The following SKIL variants were observed in gnomAD, a reference collection of about 807,000 sequenced individuals.
The protein encoded by SKIL is ski-like protein.
In SKIL, 20 loss-of-function variants were observed where a neutral mutation model predicts 69.6. The ratio of observed to expected loss-of-function variants is 0.29; its 90% CI spans 0.20 to 0.42. The LOEUF (loss-of-function observed/expected upper bound fraction) is 0.42. Among genes scored for constraint, SKIL ranks in the 10% least tolerant of loss-of-function variants. The probability of loss-of-function intolerance (pLI) is 1.00; values close to 1 mark genes in which losing one functional copy is unlikely to be tolerated. For synonymous variants in SKIL, 310 were observed against 279.9 expected (o/e 1.11, Z -1.08); for missense variants, 745 against 783.1 (o/e 0.95, Z 0.58).
chr3:170,369,160 G>GCCT (rs1736679278), intron 2 of SKIL, among the ~76,000 whole-genome samples: 1 of 146,234 alleles, frequency 6.8e-6, no homozygotes, highest in South Asian at 2.2e-4. Flanking sequence ...AGGAAATAGA[G>GCCT]CCTCTTTATT....
intron 2 of SKIL, among the ~76,000 whole-genome samples, chr3:170,369,312 T>G (rs958157136): frequency 6.6e-6 from 1 of 152,208 alleles, no homozygotes; most frequent in African/African-American, 2.4e-5. Context: ...AGAGTAGGCC[T>G]GGATCATCAT....
chr3:170,390,999 TA>T, intron 5 of SKIL, 36 bp from the exon 6 acceptor site: 1 of 1,158,970 alleles, frequency 8.6e-7, no homozygotes, highest in Non-Finnish European at 1.3e-6. Flanking sequence ...ATGGTGAAAA[TA>T]AAGTAAAACT....
In SKIL at chr3:170,390,323, T is replaced by G; in HGVS notation, c.1530T>G (p.Ala510=). The change falls in exon 5 of 7, where the codon GCT becomes GCG. Residue 510 remains alanine, a synonymous_variant. Coordinates refer to ENST00000259119, the MANE Select transcript of SKIL (RefSeq NM_005414.5). ...DINKVGIGLV[A]AASSPLLVKD... is the part of the protein sequence containing the mutation. ...ACAAAGTGGGAATTGGCCTTGTTGC[T>G]GCCGCTTCATCTCCGCTTCTTGTGA... 1.2e-6 allele frequency: 2 copies of G among 1,614,166 alleles called. No individual in the cohort carries two copies. The highest frequency in any genetic ancestry group is 3.3e-4 in the Middle Eastern group (2 of 6,062).
At chr3:170,390,583 T>G in intron 5 of SKIL, 119 bp downstream of exon 5, 1 of 735,064 alleles carries the variant, frequency 1.4e-6, no homozygotes, top group South Asian at 1.8e-5. Flanking sequence ...ACCTCACAGG[T>G]TCAAGCAATT....
chr3:170,364,392 C>T (rs113904319), intron 2 of SKIL, among the ~76,000 whole-genome samples: 27 of 144,810 alleles, frequency 1.9e-4, no homozygotes, highest in African/African-American at 6.5e-4. Context: ...GGCGCGATCT[C>T]AGTTCACTGC....
chr3:170,377,618 G>A lies in SKIL; in HGVS notation c.1099-3626G>A, dbSNP rs374467066. ...GGCTGGAGTGCAGTGGCACGATCTCGGCTCACTGCAACCTCCGCCCTCTGA... is the reference window on the plus strand; with the variant it reads ...GGCTGGAGTGCAGTGGCACGATCTCAGCTCACTGCAACCTCCGCCCTCTGA... On this transcript the variant is annotated intron_variant, in intron 2 of 6. Transcript: ENST00000259119. 5.3e-5 allele frequency among the ~76,000 whole-genome samples: 7 copies of A among 133,190 alleles called. No individual in the cohort carries two copies. The East Asian group carries it at 6.5e-4, about 12-fold the overall frequency. The allele number at this position is 133,190 out of a possible 152,430, so 87.4% of individuals were successfully genotyped here.
intron 4 of SKIL, among the ~76,000 whole-genome samples, chr3:170,387,051 C>A (rs1577442859): frequency 6.6e-6 from 1 of 151,804 alleles, no homozygotes. Context: ...GAGTTTCACT[C>A]TTGTCGCCCA....
rs553234288 is a variant in SKIL at position 170,388,113 on chromosome 3, C to T, written c.1430-2110C>T. 3.9e-5 allele frequency among the ~76,000 whole-genome samples: 6 copies of T among 152,030 alleles called. No individual in the cohort carries two copies. In the South Asian group the frequency reaches 1.2e-3, roughly 32 times the overall value. ...GCCAAACTTTTCAAAAGCAGTTGCA[C>T]CATTTTACATTCCTGTGGTAGCTTG... On this transcript the variant is annotated intron_variant, in intron 4 of 6. Coordinates refer to ENST00000259119, the MANE Select transcript of SKIL (RefSeq NM_005414.5).
At chr3:170,384,231 G>A (rs1336510032) in intron 3 of SKIL, among the ~76,000 whole-genome samples, 6 of 152,048 alleles carry the variant, frequency 3.9e-5, no homozygotes, top group African/African-American at 1.4e-4. Context: ...GGGATGCTGA[G>A]GCAGGAAGAT....
At position 170,392,461 on chromosome 3, in the gene SKIL, T is replaced by C; in HGVS notation, c.*44T>C. 1 of 1,314,820 alleles carries C rather than the reference T, an allele frequency of 7.6e-7. No individual in the cohort carries two copies. Among genetic ancestry groups the C allele is most frequent in the Non-Finnish European group, 1.0e-6 (1 of 968,020 alleles). The allele number at this position is 1,314,820 out of a possible 1,614,324, so 81.4% of individuals were successfully genotyped here. On this transcript the variant is annotated 3_prime_UTR_variant, in exon 7 of 7. Coordinates refer to ENST00000259119, the MANE Select transcript of SKIL (RefSeq NM_005414.5). Reference sequence around the variant, plus strand: ...ATCTGTGTATTACTGACAAGGTTTTTTTTGTTTGTTGCTTGCTTTGGTAAT... The same window carrying C: ...ATCTGTGTATTACTGACAAGGTTTTCTTTGTTTGTTGCTTGCTTTGGTAAT...
At position 170,394,633 on chromosome 3, in the gene SKIL, AAAG is replaced by A; in HGVS notation, c.*2219_*2221del. 6.6e-6 allele frequency: 1 copy of A among 152,236 alleles called. No individual in the cohort carries two copies. Among genetic ancestry groups the A allele is most frequent in the Non-Finnish European group, 1.5e-5 (1 of 68,026 alleles). 9.4% of individuals were successfully genotyped at this position (152,236 alleles called of 1,614,324 possible). On this transcript the variant is annotated 3_prime_UTR_variant, in exon 7 of 7. Coordinates refer to ENST00000259119, the MANE Select transcript of SKIL (RefSeq NM_005414.5). ...ATGAACTTGTAATTCAGAATTGAGT[AAAG>A]AAATATTTTTTCTAGTCCTTCATAT...
intron 2 of SKIL, among the ~76,000 whole-genome samples, chr3:170,365,752 CTTTTTTTTTTT>C (rs59222162): frequency 2.1e-4 from 22 of 106,498 alleles, no homozygotes; most frequent in Non-Finnish European, 3.7e-4. Context: ...TCAAACTAGG[CTTTTTTTTTTT>C]TTTTTTTTTT....
Position 170,390,321 on chromosome 3 carries a change from G to C in SKIL, c.1528G>C (p.Ala510Pro), listed in dbSNP as rs1283092350. 6.2e-7 allele frequency: 1 copy of C among 1,614,046 alleles called. No individual in the cohort carries two copies. The highest frequency in any genetic ancestry group is 8.5e-7 in the Non-Finnish European group (1 of 1,179,954). Residue 510 changes from alanine (A) to proline (P), a missense_variant, in exon 5 of 7, where the codon GCT becomes CCT. Transcript: ENST00000259119. Reference protein sequence around the residue: ...DINKVGIGLVAAASSPLLVKD... With the variant: ...DINKVGIGLVPAASSPLLVKD... ...AAACAAAGTGGGAATTGGCCTTGTT[G>C]CTGCCGCTTCATCTCCGCTTCTTGT...
At chr3:170,381,494 G>A (rs1470240564) in intron 3 of SKIL, among the ~76,000 whole-genome samples, 153 bp downstream of exon 3, 18 of 151,942 alleles carry the variant, frequency 1.2e-4, no homozygotes, top group South Asian at 2.1e-4. Flanking sequence ...GTGCAGTGGC[G>A]CGATCTCGTC....
rs888158114 is a variant in SKIL, at chr3:170,381,018, G to A, written c.1099-226G>A. Among the ~76,000 whole-genome samples the A allele has an allele frequency of 1.0e-4, 11 of 105,162 alleles. No homozygotes were observed. The highest frequency in any genetic ancestry group is 4.7e-3 in the Middle Eastern group (1 of 214). 69.0% of individuals were successfully genotyped at this position (105,162 alleles called of 152,430 possible). A position where few individuals can be genotyped will look rare whatever the true frequency, so the allele number is the denominator to read the frequency against. ...TAATTTTTTTTTTTTTTTTTTTAAA[G>A]AGACTGGGTCTTCCTATGTTGCCCA... is the stretch of plus-strand genomic sequence containing the variant. On this transcript the variant is annotated intron_variant, in intron 2 of 6. Transcript: ENST00000259119.
chr3:170,361,913 A>C (rs1234572764), intron 2 of SKIL, among the ~76,000 whole-genome samples: 1 of 152,056 alleles, frequency 6.6e-6, no homozygotes, highest in African/African-American at 2.4e-5. Context: ...CCTCTTTGGC[A>C]CACATCTTGC....
chr3:170,393,549 A>C lies in SKIL; in HGVS notation c.*1132A>C, dbSNP rs576428725. ...AAGTTTTAGAAGATAAAGGAATTCC[A>C]TAGTTTCAGGAGGGACAACATCTTC... is the stretch of plus-strand genomic sequence containing the variant. On this transcript the variant is annotated 3_prime_UTR_variant, in exon 7 of 7. Transcript: ENST00000259119. 3.7e-4 allele frequency: 57 copies of C among 152,302 alleles called. 1 individual carries two copies. The highest frequency in any genetic ancestry group is 1.3e-3 in the African/African-American group (56 of 41,572). The allele number at this position is 152,302 out of a possible 1,614,324, so 9.4% of individuals were successfully genotyped here. A position where few individuals can be genotyped will look rare whatever the true frequency, so the allele number is the denominator to read the frequency against.
chr3:170,375,170 T>A (rs895372714), intron 2 of SKIL, among the ~76,000 whole-genome samples: 10 of 152,190 alleles, frequency 6.6e-5, no homozygotes. Context: ...AATTCAGACA[T>A]TGGCTAGGGG....
In SKIL at chr3:170,374,060, G is replaced by C. The variant is rs6783113; in HGVS notation, c.1099-7184G>C. ...TTTCATTATGAGACTGATTAGCATCGTATCACTAAAATAGAGTGGTTCTTC... is the reference window on the plus strand; with the variant it reads ...TTTCATTATGAGACTGATTAGCATCCTATCACTAAAATAGAGTGGTTCTTC... On this transcript the variant is annotated intron_variant, in intron 2 of 6. Transcript: ENST00000259119. Among the ~76,000 whole-genome samples the C allele has an allele frequency of 8.5e-5, 13 of 152,198 alleles. No homozygotes were observed. In the East Asian group the frequency reaches 2.3e-3, roughly 27 times the overall value.
Sources: gnomAD v4.1 joint callset for allele counts (sites outside exome capture counted in the v4.1 genomes callset) on GRCh38, gnomAD v4.1.1 for gene constraint, MANE v1.5 for transcripts, NCBI Gene and HGNC (gene_info 2026-07-23, HGNC 2026-07-21) for gene names.